The following TENM4 variants were observed in gnomAD, a reference collection of about 807,000 sequenced individuals.
TENM4 encodes teneurin transmembrane protein 4.
Under a neutral mutation model 243.3 loss-of-function variants are expected in TENM4, and 82 were observed. That is an observed-to-expected ratio of 0.34 (90% CI 0.28 to 0.40). The LOEUF (loss-of-function observed/expected upper bound fraction) is 0.40, where lower values mean the gene tolerates loss of function less well. Ranked by LOEUF, TENM4 falls within the 10% of genes least tolerant of loss-of-function variation. TENM4 has a pLI of 1.00. For synonymous variants in TENM4, 1,412 were observed against 1,456.3 expected (o/e 0.97, Z 0.69); for missense variants, 3,138 against 3,673.3 (o/e 0.85, Z 3.77).
intron 6 of TENM4, among the ~76,000 whole-genome samples, chr11:78,942,685 C>T (rs566987282): frequency 2.0e-5 from 3 of 152,024 alleles, no homozygotes; most frequent in Admixed American, 2.0e-4. Flanking sequence ...AGCCAGTGGG[C>T]AAAAGGATGG....
At chr11:78,774,163 C>CA (rs554406726) in intron 17 of TENM4, among the ~76,000 whole-genome samples, 1 of 152,198 alleles carries the variant, frequency 6.6e-6, no homozygotes, top group African/African-American at 2.4e-5. Context: ...TAATATATAT[C>CA]AATTATTTAT....
At chr11:78,691,240 C>T (rs371955805) in intron 28 of TENM4, among the ~76,000 whole-genome samples, 1 of 152,330 alleles carries the variant, frequency 6.6e-6, no homozygotes, top group African/African-American at 2.4e-5. Context: ...TGGATTGACA[C>T]CACCTGGGTT....
chr11:78,981,939 C>T (rs1227891710), intron 6 of TENM4, among the ~76,000 whole-genome samples: 1 of 152,104 alleles, frequency 6.6e-6, no homozygotes, highest in Non-Finnish European at 1.5e-5. Context: ...CCCTCTCCAC[C>T]ACCATGCACA....
intron 2 of TENM4, among the ~76,000 whole-genome samples, chr11:79,233,692 G>A (rs2135265864): frequency 6.6e-6 from 1 of 152,300 alleles, no homozygotes; most frequent in South Asian, 2.1e-4. Context: ...TGGGGTAGAA[G>A]CAGGCCTGTG....
At chr11:79,391,755 T>C (rs1310874463) in intron 1 of TENM4, among the ~76,000 whole-genome samples, 8 of 152,206 alleles carry the variant, frequency 5.3e-5, no homozygotes, top group Non-Finnish European at 1.0e-4. Flanking sequence ...TCACATAATA[T>C]ACAGTATATG....
At chr11:79,294,443 G>C (rs372879516) in intron 2 of TENM4, among the ~76,000 whole-genome samples, 7 of 152,220 alleles carry the variant, frequency 4.6e-5, no homozygotes, top group East Asian at 3.8e-4. Flanking sequence ...TGGAATGCAG[G>C]CTGGTTTTTA....
chr11:79,229,368 A>G (rs1456604255), intron 2 of TENM4, among the ~76,000 whole-genome samples: 4 of 152,322 alleles, frequency 2.6e-5, no homozygotes, highest in South Asian at 4.1e-4. Flanking sequence ...TTTTCTTTCT[A>G]TCTTCCACAC....
intron 1 of TENM4, among the ~76,000 whole-genome samples, chr11:79,318,467 G>C (rs185828430): frequency 6.6e-6 from 1 of 152,074 alleles, no homozygotes; most frequent in Non-Finnish European, 1.5e-5. Flanking sequence ...CTTTCCAGAA[G>C]AGGGGAAAAA....
At chr11:79,091,483 G>A (rs527932241) in intron 4 of TENM4, among the ~76,000 whole-genome samples, 32 of 152,230 alleles carry the variant, frequency 2.1e-4, no homozygotes, top group African/African-American at 6.5e-4. Context: ...AGTCTTCAGC[G>A]TAATTTTTCT....
chr11:79,166,890 CA>C (rs1263305644), intron 3 of TENM4, among the ~76,000 whole-genome samples: 2 of 152,106 alleles, frequency 1.3e-5, no homozygotes, highest in African/African-American at 4.8e-5. Context: ...TTGAGAGGCA[CA>C]AAACTATGGT....
chr11:79,369,933 G>A (rs1019868528), intron 1 of TENM4, among the ~76,000 whole-genome samples: 1 of 152,178 alleles, frequency 6.6e-6, no homozygotes, highest in Non-Finnish European at 1.5e-5. Flanking sequence ...CAAAGTCCAG[G>A]ATTTTTCCAG....
Position 79,417,377 on chromosome 11 carries a change from T to G in TENM4, c.-321+23132A>C, listed in dbSNP as rs554142489. Among the ~76,000 whole-genome samples, 117 of 152,312 alleles carry G rather than the reference T, an allele frequency of 7.7e-4. 3 individuals carry two copies. The South Asian group carries it at 0.024, about 31-fold the overall frequency. Reference sequence around the variant, plus strand: ...TGTTTGTTGATGGCTCAAAGGGGACTGGTCCCTCTTATCCTTTTTTGTGCC... The same window carrying G: ...TGTTTGTTGATGGCTCAAAGGGGACGGGTCCCTCTTATCCTTTTTTGTGCC... On this transcript the variant is annotated intron_variant, in intron 1 of 33. Coordinates refer to ENST00000278550, the MANE Select transcript of TENM4 (RefSeq NM_001098816.3).
intron 6 of TENM4, among the ~76,000 whole-genome samples, chr11:79,029,734 G>A (rs1859175798): frequency 6.6e-6 from 1 of 152,154 alleles, no homozygotes; most frequent in Non-Finnish European, 1.5e-5. Flanking sequence ...AAAGAAACAC[G>A]GGGAGGGCAT....
intron 6 of TENM4, among the ~76,000 whole-genome samples, chr11:79,033,814 T>G (rs557145741): frequency 1.3e-5 from 2 of 152,358 alleles, no homozygotes; most frequent in East Asian, 3.9e-4. Flanking sequence ...ACTTAAAATT[T>G]ATGAAGTGAT....
chr11:79,162,269 T>C (rs578166583), intron 3 of TENM4, among the ~76,000 whole-genome samples: 1 of 152,312 alleles, frequency 6.6e-6, no homozygotes, highest in East Asian at 1.9e-4. Flanking sequence ...AGTTCTGTGA[T>C]ATGGGAAAAA....
intron 26 of TENM4, 66 bp downstream of exon 26, chr11:78,712,416 T>C: frequency 6.6e-7 from 1 of 1,517,508 alleles, no homozygotes; most frequent in African/African-American, 1.4e-5. Flanking sequence ...TAATCATGCA[T>C]GTTTTTCTGA....
At chr11:78,891,142 CCCAGA>C in intron 8 of TENM4, 91 bp downstream of exon 8, 1 of 1,152,820 alleles carries the variant, frequency 8.7e-7, no homozygotes, top group Non-Finnish European at 1.3e-6. Context: ...GATCACCTCC[CCCAGA>C]AGATCCCAGG....
At chr11:78,985,996 T>A (rs1288522453) in intron 6 of TENM4, among the ~76,000 whole-genome samples, 3 of 152,218 alleles carry the variant, frequency 2.0e-5, no homozygotes, top group Admixed American at 1.3e-4. Context: ...ATCCCTGGTG[T>A]CCCTCCAAGG....
intron 6 of TENM4, among the ~76,000 whole-genome samples, chr11:79,020,919 C>G (rs79871988): frequency 2.3e-4 from 35 of 152,336 alleles, no homozygotes; most frequent in Non-Finnish European, 4.1e-4. Flanking sequence ...ACATGCCTTA[C>G]TCTTTGGAGT....
Sources: gnomAD v4.1 joint callset for allele counts (sites outside exome capture counted in the v4.1 genomes callset) on GRCh38, gnomAD v4.1.1 for gene constraint, MANE v1.5 for transcripts, NCBI Gene and HGNC (gene_info 2026-07-23, HGNC 2026-07-21) for gene names.